GPHN: variants seen among roughly 807,000 people sequenced by gnomAD.
GPHN encodes gephyrin.
A neutral mutation model predicts 95.5 loss-of-function variants in GPHN; 17 were observed. The ratio of observed to expected loss-of-function variants is 0.18; its 90% CI spans 0.12 to 0.27. The LOEUF (loss-of-function observed/expected upper bound fraction) is 0.27. Ranked by LOEUF, GPHN falls within the 10% of genes least tolerant of loss-of-function variation. The probability of loss-of-function intolerance (pLI) is 1.00; values close to 1 mark genes in which losing one functional copy is unlikely to be tolerated. For synonymous variants in GPHN, 320 were observed against 322.5 expected, an observed-to-expected ratio of 0.99 and a Z score of 0.08; for missense variants, 660 against 978.1, an observed-to-expected ratio of 0.67 and a Z score of 4.34.
chr14:67,199,252 G>A, the GPHN span: 1 of 1,598,996 alleles, frequency 6.3e-7, no homozygotes, highest in Admixed American at 1.7e-5. Context: ...TCTTGAGTGA[G>A]GATGATGCTG....
chr14:66,759,956 T>C (rs1462281071), intron 2 of GPHN, among the ~76,000 whole-genome samples: 1 of 152,214 alleles, frequency 6.6e-6, no homozygotes, highest in Non-Finnish European at 1.5e-5. Context: ...ATGTATACAA[T>C]TACTAAGATA....
chr14:67,567,044 G>C, the GPHN span, among the ~76,000 whole-genome samples: 1 of 152,170 alleles, frequency 6.6e-6, no homozygotes, highest in Non-Finnish European at 1.5e-5. Context: ...AATGTAAGGA[G>C]ATCTCATCCT....
At chr14:67,162,727 G>A (rs1200213163) in intron 19 of GPHN, among the ~76,000 whole-genome samples, 1 of 152,224 alleles carries the variant, frequency 6.6e-6, no homozygotes, top group Non-Finnish European at 1.5e-5. Context: ...GAATCAGGAA[G>A]TATGCTAAAG....
At chr14:66,538,697 A>G (rs906020086) in intron 1 of GPHN, among the ~76,000 whole-genome samples, 2 of 148,984 alleles carry the variant, frequency 1.3e-5, no homozygotes, top group East Asian at 2.0e-4. Context: ...GATAATGGCT[A>G]TTTTAAAGCC....
At chr14:66,909,123 G>C (rs2065539798) in intron 5 of GPHN, among the ~76,000 whole-genome samples, 1 of 152,094 alleles carries the variant, frequency 6.6e-6, no homozygotes, top group African/African-American at 2.4e-5. Context: ...AAATGTAGGG[G>C]AAACATGGTA....
chr14:67,193,220 C>A, the GPHN span, among the ~76,000 whole-genome samples: 1 of 137,084 alleles, frequency 7.3e-6, no homozygotes, highest in African/African-American at 2.7e-5. Context: ...AGACATCTAT[C>A]TATATATCTC....
At chr14:66,661,079 T>A (rs1566778510) in intron 1 of GPHN, among the ~76,000 whole-genome samples, 1 of 152,168 alleles carries the variant, frequency 6.6e-6, no homozygotes, top group Non-Finnish European at 1.5e-5. Flanking sequence ...ACAAAGGTGA[T>A]TGCAACTTAG....
intron 9 of GPHN, among the ~76,000 whole-genome samples, chr14:66,978,257 T>C (rs2070398139): frequency 6.6e-6 from 1 of 152,192 alleles, no homozygotes; most frequent in African/African-American, 2.4e-5. Flanking sequence ...GGCAATTTCT[T>C]AAAATCAGAC....
the GPHN span, among the ~76,000 whole-genome samples, chr14:67,526,895 G>A: frequency 6.6e-6 from 1 of 152,108 alleles, no homozygotes; most frequent in African/African-American, 2.4e-5. Flanking sequence ...CTTCCAGTAG[G>A]GTATGAGCCC....
chr14:66,649,195 G>T (rs182860761), intron 1 of GPHN, among the ~76,000 whole-genome samples: 7 of 152,226 alleles, frequency 4.6e-5, no homozygotes, highest in Admixed American at 4.6e-4. Context: ...TTAGCAGGGC[G>T]TGGTGGCGTG....
chr14:67,107,673 C>G (rs1019325873), intron 13 of GPHN, among the ~76,000 whole-genome samples: 1 of 152,144 alleles, frequency 6.6e-6, no homozygotes, highest in Non-Finnish European at 1.5e-5. Context: ...TACGCAGGTC[C>G]TCACTTCAGA....
the GPHN span, among the ~76,000 whole-genome samples, chr14:67,618,732 C>G: frequency 1.3e-5 from 2 of 152,092 alleles, no homozygotes; most frequent in Non-Finnish European, 1.5e-5. Context: ...TGGTCTGGGA[C>G]CACACTTTCA....
intron 1 of GPHN, among the ~76,000 whole-genome samples, chr14:66,629,209 T>TACATATATAAATATGTATATAAATATA (rs1566729570): frequency 9.1e-4 from 125 of 136,818 alleles, no homozygotes; most frequent in Non-Finnish European, 1.2e-3. Context: ...AAATATATAT[T>TACATATATAAATATGTATATAAATATA]TATATACATA....
intron 2 of GPHN, among the ~76,000 whole-genome samples, chr14:66,743,974 A>G (rs937423569): frequency 2.0e-5 from 3 of 152,144 alleles, no homozygotes; most frequent in Non-Finnish European, 4.4e-5. Flanking sequence ...TACCCTCAGA[A>G]TTAAACCTGT....
intron 8 of GPHN, among the ~76,000 whole-genome samples, chr14:66,948,159 T>C (rs1377106471): frequency 6.6e-6 from 1 of 152,202 alleles, no homozygotes; most frequent in Admixed American, 6.5e-5. Flanking sequence ...GTATACCTTT[T>C]TGTTTTCCTA....
chr14:67,285,816 G>A, the GPHN span, among the ~76,000 whole-genome samples: 9 of 152,170 alleles, frequency 5.9e-5, no homozygotes, highest in African/African-American at 1.4e-4. Context: ...ATTCTTTTAC[G>A]TTTTAGACTG....
At chr14:66,776,432 G>C in intron 2 of GPHN, 32 bp from the exon 3 acceptor site, 2 of 1,287,064 alleles carry the variant, frequency 1.6e-6, no homozygotes, top group Non-Finnish European at 2.3e-6. Flanking sequence ...ACTATTGCTG[G>C]TTTTGAGAAT....
the GPHN span, among the ~76,000 whole-genome samples, chr14:67,434,968 C>CTTTT: frequency 6.8e-6 from 1 of 147,362 alleles, no homozygotes; most frequent in African/African-American, 2.6e-5. Flanking sequence ...TCTTCTCTCT[C>CTTTT]TCTTTTTTTT....
the GPHN span, chr14:67,571,980 C>G: frequency 0.71 from 1,074,782 of 1,514,820 alleles, 382,370 homozygotes; most frequent in Non-Finnish European, 0.72. Flanking sequence ...TGAACATGGG[C>G]GTCCCCACTT....
Sources: gnomAD v4.1 joint callset for allele counts (sites outside exome capture counted in the v4.1 genomes callset) on GRCh38, gnomAD v4.1.1 for gene constraint, MANE v1.5 for transcripts, NCBI Gene and HGNC (gene_info 2026-07-23, HGNC 2026-07-21) for gene names.